WNT5A: variants seen among roughly 807,000 people sequenced by gnomAD.
The protein encoded by WNT5A is Wnt family member 5A, also known as protein Wnt-5a.
WNT5A carries 9 observed loss-of-function variants against 42.1 expected under a neutral mutation model. That is an observed-to-expected ratio of 0.21 (90% CI 0.13 to 0.37). WNT5A has a LOEUF of 0.37. Among genes scored for constraint, WNT5A ranks in the 10% least tolerant of loss-of-function variants. The probability of loss-of-function intolerance (pLI) is 1.00; values close to 1 mark genes in which losing one functional copy is unlikely to be tolerated. For missense variants in WNT5A, 426 were observed against 534.0 expected (o/e 0.80, Z 1.99); for synonymous variants, 210 against 210.0 (o/e 1.00, Z 0.00).
chr3:55,471,293 G>A (rs531936054), intron 4 of WNT5A, among the ~76,000 whole-genome samples: 1 of 152,216 alleles, frequency 6.6e-6, no homozygotes, highest in South Asian at 2.1e-4. Flanking sequence ...AAGTGTGGGG[G>A]GACTGCGCCT....
At chr3:55,473,626 T>C (rs181783778) in intron 4 of WNT5A, among the ~76,000 whole-genome samples, 21 of 152,360 alleles carry the variant, frequency 1.4e-4, no homozygotes, top group African/African-American at 2.2e-4. Context: ...ATTGGCCTGA[T>C]GGTCAGACCT....
rs187590455 is a variant in WNT5A, at chr3:55,466,246, C to T, written c.*3846G>A. 10 of 152,228 alleles carry T rather than the reference C, an allele frequency of 6.6e-5. No homozygotes were observed. The highest frequency in any genetic ancestry group is 6.5e-4 in the Admixed American group (10 of 15,294). 9.4% of individuals were successfully genotyped at this position (152,228 alleles called of 1,614,324 possible). A position where few individuals can be genotyped will look rare whatever the true frequency, so the allele number is the denominator to read the frequency against. ...ATGTAGTATTTTAGACCTGTGCCTT[C>T]GTGCCTATTTGCATTAAATACATGC... On this transcript the variant is annotated 3_prime_UTR_variant, in exon 5 of 5. Coordinates refer to ENST00000264634, the MANE Select transcript of WNT5A (RefSeq NM_003392.7).
rs762941459 is a variant in WNT5A, at chr3:55,479,414, C to T, written c.291G>A (p.Ala97=). The T allele has an allele frequency of 4.7e-5, 76 of 1,613,890 alleles. 1 individual carries two copies. The highest frequency in any genetic ancestry group is 5.8e-5 in the Non-Finnish European group (68 of 1,179,882). The change falls in exon 3 of 5, where the codon GCG becomes GCA. Residue 97 remains alanine (A), a synonymous_variant. Coordinates refer to ENST00000264634, the MANE Select transcript of WNT5A (RefSeq NM_003392.7). ...ACTGGCATTCTTTGATGCCTGTCTTCGCGCCTTCTCCGATGTACTGCATGT... is the reference window on the plus strand; with the variant it reads ...ACTGGCATTCTTTGATGCCTGTCTTTGCGCCTTCTCCGATGTACTGCATGT... ...QDHMQYIGEG[A]KTGIKECQYQ... is the part of the protein sequence containing the mutation.
intron 2 of WNT5A, 43 bp downstream of exon 2, chr3:55,480,737 TAAAAA>T (rs761220101): frequency 6.8e-7 from 1 of 1,478,982 alleles, no homozygotes; most frequent in East Asian, 2.5e-5. Context: ...AAACAAATCT[TAAAAA>T]AAGAAAAAGA....
In WNT5A at chr3:55,480,906, T is replaced by A. The variant is rs183555808; in HGVS notation, c.19A>T (p.Ile7Leu). Residue 7 changes from isoleucine (I) to leucine (L), a missense_variant, in exon 2 of 5, where the codon ATA becomes TTA. By Grantham distance (5) the Ile-to-Leu change is conservative (BLOSUM62 2). Transcript: ENST00000264634. Reference sequence around the variant, plus strand: ...CCCAAAGCAACTCCTGGGCTTAATATTCCAATGGACTTCTGGAGAGGGAAG... The same window carrying A: ...CCCAAAGCAACTCCTGGGCTTAATAATCCAATGGACTTCTGGAGAGGGAAG... MKKSIG[I>L]LSPGVALGMA... 20 of 1,562,580 alleles carry A rather than the reference T, an allele frequency of 1.3e-5. No homozygotes were observed. The African/African-American group carries it at 2.3e-4, about 18-fold the overall frequency.
At position 55,483,324 on chromosome 3, in the gene WNT5A, C is replaced by T. The variant is rs768025417; in HGVS notation, c.7-2406G>A. Among the ~76,000 whole-genome samples the T allele has an allele frequency of 1.3e-5, 2 of 152,284 alleles. No individual in the cohort carries two copies. The highest frequency in any genetic ancestry group is 2.9e-5 in the Non-Finnish European group (2 of 68,028). ...AACCCCGCCGCTTGCCCGGAAACACCTTGGCCCTCTTCCCTCTTCAATCCC... is the reference window on the plus strand; with the variant it reads ...AACCCCGCCGCTTGCCCGGAAACACTTTGGCCCTCTTCCCTCTTCAATCCC... On this transcript the variant is annotated intron_variant, in intron 1 of 4. Coordinates refer to ENST00000264634, the MANE Select transcript of WNT5A (RefSeq NM_003392.7). This position sits in a 1 kb window ranked among gnomAD's most constrained non-coding sequence, Gnocchi z 4.2.
the WNT5A span, among the ~76,000 whole-genome samples, chr3:55,495,802 A>C: frequency 2.6e-5 from 4 of 152,212 alleles, no homozygotes; most frequent in Non-Finnish European, 1.5e-5. Context: ...ATTAATTTAC[A>C]TTCCCACTGA....
Position 55,470,462 on chromosome 3 carries a change from T to A in WNT5A, c.773A>T (p.Asp258Val). Reference sequence around the variant, plus strand: ...CAGGGCATCACCCACCTTGCGGAAGTCTGCCAGCTGCAGCCAGCATGTCTT... The same window carrying A: ...CAGGGCATCACCCACCTTGCGGAAGACTGCCAGCTGCAGCCAGCATGTCTT... Reference protein sequence around the residue: ...SLKTCWLQLADFRKVGDALKE... With the variant: ...SLKTCWLQLAVFRKVGDALKE... Residue 258 changes from aspartate to valine, a missense_variant, in exon 5 of 5, where the codon GAC becomes GTC. Around this residue, in one of 3 missense-constraint regions of WNT5A, gnomAD observed 358 missense variants for 468.1 expected, o/e 0.76. Transcript: ENST00000264634. 1.2e-6 allele frequency: 2 copies of A among 1,609,978 alleles called. No individual in the cohort carries two copies. The highest frequency in any genetic ancestry group is 1.7e-6 in the Non-Finnish European group (2 of 1,178,044).
chr3:55,487,783 G>C (rs543082160), upstream of WNT5A: 5 of 152,420 alleles, frequency 3.3e-5, no homozygotes, highest in Non-Finnish European at 4.4e-5. Flanking sequence ...CATCTGAGCT[G>C]CAAGAGTCAG....
In WNT5A at chr3:55,468,618, T is replaced by A. The variant is rs2051188622; in HGVS notation, c.*1474A>T. ...TGTAAATCTAAATCACTGGCTGCAA[T>A]GAGATATATTTATATTTATATTTAT... On this transcript the variant is annotated 3_prime_UTR_variant, in exon 5 of 5. Coordinates refer to ENST00000264634, the MANE Select transcript of WNT5A (RefSeq NM_003392.7). 1 of 150,362 alleles carries A rather than the reference T, an allele frequency of 6.7e-6. No individual in the cohort carries two copies. The highest frequency in any genetic ancestry group is 2.1e-4 in the South Asian group (1 of 4,794). The allele number at this position is 150,362 out of a possible 1,614,324, so 9.3% of individuals were successfully genotyped here.
Position 55,486,991 on chromosome 3 carries a change from G to A in WNT5A, c.-6C>T, listed in dbSNP as rs372156419. On this transcript the variant is annotated 5_prime_UTR_variant, in exon 1 of 5. Coordinates refer to ENST00000264634, the MANE Select transcript of WNT5A (RefSeq NM_003392.7). ...CACTGAACACCTACCTTCATGGCGA[G>A]GGGGAGGGGGCGCGGGGAGGAAGTC... The A allele has an allele frequency of 6.2e-7, 1 of 1,611,330 alleles. No individual in the cohort carries two copies. Among genetic ancestry groups the A allele is most frequent in the Admixed American group, 1.7e-5 (1 of 59,960 alleles).
chr3:55,500,889 A>G, the WNT5A span, among the ~76,000 whole-genome samples: 5 of 152,246 alleles, frequency 3.3e-5, no homozygotes, highest in African/African-American at 1.2e-4. Context: ...ACTTCATTAA[A>G]TGCAGCCTTA....
the WNT5A span, among the ~76,000 whole-genome samples, chr3:55,499,664 C>T: frequency 6.6e-6 from 1 of 152,066 alleles, no homozygotes; most frequent in African/African-American, 2.4e-5. Flanking sequence ...ACCTTAGATG[C>T]CCTATGCCCA....
At chr3:55,491,878 C>A (rs1219992589), upstream of WNT5A, among the ~76,000 whole-genome samples, 2 of 152,236 alleles carry the variant, frequency 1.3e-5, no homozygotes, top group Non-Finnish European at 2.9e-5. Context: ...ACAGATGGAG[C>A]CCTAAAGAAG....
chr3:55,474,094 G>A (rs566072626), intron 4 of WNT5A, among the ~76,000 whole-genome samples: 1 of 152,180 alleles, frequency 6.6e-6, no homozygotes, highest in East Asian at 1.9e-4. Flanking sequence ...AGAGAGACCG[G>A]GAAGGAGGAA....
intron 1 of WNT5A, among the ~76,000 whole-genome samples, chr3:55,486,593 G>T (rs2051583099): frequency 6.6e-6 from 1 of 152,252 alleles, no homozygotes; most frequent in Non-Finnish European, 1.5e-5. Flanking sequence ...CGCAGTGGGC[G>T]CTTGGTAAAT....
chr3:55,479,927 A>G (rs1430467378), intron 2 of WNT5A, among the ~76,000 whole-genome samples: 1 of 152,118 alleles, frequency 6.6e-6, no homozygotes, highest in Non-Finnish European at 1.5e-5. Context: ...TTGCCCCACA[A>G]ATTGGACCAA....
At chr3:55,471,285 G>A (rs968376863) in intron 4 of WNT5A, among the ~76,000 whole-genome samples, 4 of 152,148 alleles carry the variant, frequency 2.6e-5, no homozygotes, top group Non-Finnish European at 5.9e-5. Flanking sequence ...CACAGCTAAA[G>A]TGTGGGGGGA....
chr3:55,486,957 G>C, intron 1 of WNT5A, 23 bp downstream of exon 1: 1 of 1,607,834 alleles, frequency 6.2e-7, no homozygotes, highest in East Asian at 2.2e-5. Flanking sequence ...AAGAAAAAAA[G>C]TGGCAGCGCA....
Sources: allele counts gnomAD v4.1 joint callset (sites outside exome capture counted in the v4.1 genomes callset), GRCh38; gene constraint gnomAD v4.1.1; regional missense constraint gnomAD v4.1.1; non-coding constraint Gnocchi (gnomAD v3.1); transcripts MANE v1.5; gene names NCBI Gene and HGNC (gene_info 2026-07-23, HGNC 2026-07-21).